POTEC: variants seen among roughly 807,000 people sequenced by gnomAD.
The protein encoded by POTEC is POTE ankyrin domain family member C.
A neutral mutation model predicts 62.0 loss-of-function variants in POTEC; 35 were observed. The ratio of observed to expected loss-of-function variants is 0.56; its 90% CI spans 0.43 to 0.75. The LOEUF (loss-of-function observed/expected upper bound fraction) is 0.75. Among genes scored for constraint, POTEC ranks in the 30% least tolerant of loss-of-function variants. POTEC has a pLI of 0.00. For missense variants in POTEC, 472 were observed against 655.9 expected (o/e 0.72, Z 3.06); for synonymous variants, 156 against 221.5 (o/e 0.70, Z 2.62).
At chr18:14,516,430 T>C (rs1445269896) in intron 9 of POTEC, among the ~76,000 whole-genome samples, 1 of 124,928 alleles carries the variant, frequency 8.0e-6, no homozygotes, top group Admixed American at 8.4e-5. Context: ...CTTACAATCA[T>C]GGCAGAAGGT....
intron 3 of POTEC, among the ~76,000 whole-genome samples, chr18:14,537,158 T>G (rs1306056094): frequency 1.0e-5 from 1 of 98,604 alleles, no homozygotes; most frequent in Non-Finnish European, 2.0e-5. Flanking sequence ...AGGAAACGAA[T>G]GAACAACAAT....
rs528364508 is a variant in POTEC at position 14,543,000 on chromosome 18, G to C, written c.147C>G (p.His49Gln). ...TGAGCATCTTCATAAAGGAGTCGTC[G>C]TGGTCTCCAGAAGTGCCCATGTTGC... ...GKSNMGTSGDHDDSFMKMLRS... is the reference protein window; with the variant it reads ...GKSNMGTSGDQDDSFMKMLRS... The change falls in exon 1 of 11, where the codon CAC becomes CAG. Residue 49 changes from histidine (H) to glutamine (Q), a missense_variant. Coordinates refer to ENST00000358970, the MANE Select transcript of POTEC (RefSeq NM_001137671.2). The C allele has an allele frequency of 3.1e-6, 5 of 1,611,878 alleles. No individual in the cohort carries two copies. Among genetic ancestry groups the C allele is most frequent in the Non-Finnish European group, 4.2e-6 (5 of 1,179,156 alleles).
chr18:14,530,343 A>T (rs1905464870), intron 6 of POTEC, 140 bp downstream of exon 6: 2 of 1,129,570 alleles, frequency 1.8e-6, no homozygotes, highest in Non-Finnish European at 2.5e-6. Flanking sequence ...AGCACAATAA[A>T]TGAAACATGG....
chr18:14,514,310 AG>A (rs1910091218), intron 9 of POTEC, among the ~76,000 whole-genome samples: 1 of 151,756 alleles, frequency 6.6e-6, no homozygotes, highest in Non-Finnish European at 1.5e-5. Flanking sequence ...GGAGGAGCTC[AG>A]AAGGTAATGT....
chr18:14,535,539 T>G (rs1905683768), intron 3 of POTEC, among the ~76,000 whole-genome samples: 1 of 151,848 alleles, frequency 6.6e-6, no homozygotes, highest in Non-Finnish European at 1.5e-5. Context: ...GTATTTAATT[T>G]TTCCAGATTG....
In POTEC at chr18:14,543,184, C is replaced by T; in HGVS notation, c.-38G>A. ...GCCCGGGGAGGCCGGTAGTAGCGAA[C>T]AGATCGCGTCTACCAACCAGTTTCA... is the stretch of plus-strand genomic sequence containing the variant. On this transcript the variant is annotated 5_prime_UTR_variant, in exon 1 of 11. Transcript: ENST00000358970. The T allele has an allele frequency of 6.2e-7, 1 of 1,612,688 alleles. No homozygotes were observed. Among genetic ancestry groups the T allele is most frequent in the Non-Finnish European group, 8.5e-7 (1 of 1,179,252 alleles).
Position 14,543,055 on chromosome 18 carries a change from C to G in POTEC, c.92G>C (p.Arg31Pro). The stretch of plus-strand genomic sequence containing the variant: ...GCCGCTCCCCTTGCAGCAGGGGAAG[C>G]GGTGGTGAAACCACTTGCCCATCTT... ...RSKMGKWFHH[R>P]FPCCKGSGKS... The change falls in exon 1 of 11, where the codon CGC becomes CCC. Residue 31 changes from arginine (R) to proline (P), a missense_variant. Around this residue, in one of 5 missense-constraint regions of POTEC, gnomAD observed 257 missense variants for 250.7 expected, o/e 1.03. Transcript: ENST00000358970. The G allele has an allele frequency of 1.9e-6, 3 of 1,606,062 alleles. No individual in the cohort carries two copies. The South Asian group carries it at 3.3e-5, about 18-fold the overall frequency.
chr18:14,540,585 T>G (rs1201494235), intron 1 of POTEC, among the ~76,000 whole-genome samples: 1 of 152,212 alleles, frequency 6.6e-6, no homozygotes, highest in African/African-American at 2.4e-5. Flanking sequence ...TACATATTAT[T>G]CCATCCTATG....
rs1427664281 is a variant in POTEC, at chr18:14,508,052, TC to T, written c.*3845del. 1 of 152,166 alleles carries T rather than the reference TC, an allele frequency of 6.6e-6. No individual in the cohort carries two copies. Among genetic ancestry groups the T allele is most frequent in the Non-Finnish European group, 1.5e-5 (1 of 68,038 alleles). 9.4% of individuals were successfully genotyped at this position (152,166 alleles called of 1,614,324 possible). A position where few individuals can be genotyped will look rare whatever the true frequency, so the allele number is the denominator to read the frequency against. On this transcript the variant is annotated 3_prime_UTR_variant, in exon 11 of 11. Transcript: ENST00000358970. ...TGATGATTATGTGTCTTGGGGATGA[TC>T]TTCTCATGGCATATCTTACTGAGGT...
At chr18:14,535,083 G>A in intron 3 of POTEC, 76 bp from the exon 4 acceptor site, 3 of 1,575,340 alleles carry the variant, frequency 1.9e-6, no homozygotes, top group Non-Finnish European at 2.6e-6. Context: ...GGAAGCTTAT[G>A]GACTTACACT....
chr18:14,535,929 T>C (rs1045220614), intron 3 of POTEC, among the ~76,000 whole-genome samples: 12 of 152,008 alleles, frequency 7.9e-5, no homozygotes, highest in Non-Finnish European at 1.2e-4. Context: ...TGTAAGCTGA[T>C]AGATAGTGCC....
At chr18:14,517,562 TTA>T (rs200940409) in intron 9 of POTEC, among the ~76,000 whole-genome samples, 34,239 of 91,684 alleles carry the variant, frequency 0.37, 4,458 homozygotes, top group East Asian at 0.48. Flanking sequence ...TTTTTTTTTT[TTA>T]AAATAAAATA....
chr18:14,539,056 AT>A (rs1347561088), intron 1 of POTEC, among the ~76,000 whole-genome samples: 1 of 152,108 alleles, frequency 6.6e-6, no homozygotes, highest in African/African-American at 2.4e-5. Flanking sequence ...AACAAAAACA[AT>A]TTTCTAAAAT....
At chr18:14,539,433 T>G (rs1905859399) in intron 1 of POTEC, among the ~76,000 whole-genome samples, 1 of 141,554 alleles carries the variant, frequency 7.1e-6, no homozygotes, top group Admixed American at 7.2e-5. Context: ...CCTCCCACCC[T>G]CCACCCTCTG....
intron 9 of POTEC, among the ~76,000 whole-genome samples, chr18:14,521,616 G>A (rs1910310491): frequency 6.6e-6 from 1 of 152,068 alleles, no homozygotes; most frequent in Non-Finnish European, 1.5e-5. Context: ...ATATATGTGT[G>A]TGAATATGCT....
At position 14,513,787 on chromosome 18, in the gene POTEC, TAGA is replaced by T. The variant is rs1567909474; in HGVS notation, c.1410-5_1410-3del. 6.2e-7 allele frequency: 1 copy of T among 1,606,446 alleles called. No individual in the cohort carries two copies. Among genetic ancestry groups the T allele is most frequent in the East Asian group, 2.2e-5 (1 of 44,830 alleles). On this transcript the variant is annotated splice_polypyrimidine_tract_variant and splice_region_variant and intron_variant, in intron 9 of 10. Transcript: ENST00000358970. ...TTCCGGGTATCATTTTGTTCGTCAC[TAGA>T]AGAAATTTTAATTTTCATGAAATAC...
intron 9 of POTEC, among the ~76,000 whole-genome samples, chr18:14,520,083 T>A (rs1402234999): frequency 2.0e-5 from 3 of 152,054 alleles, no homozygotes; most frequent in Non-Finnish European, 2.9e-5. Context: ...AAAATTTGAG[T>A]TCGTGAGTGT....
At chr18:14,539,171 T>C (rs554240332) in intron 1 of POTEC, among the ~76,000 whole-genome samples, 216 of 152,126 alleles carry the variant, frequency 1.4e-3, no homozygotes, top group African/African-American at 5.0e-3. Context: ...ATTTATAAAA[T>C]GTATGTACAT....
intron 7 of POTEC, 50 bp downstream of exon 7, chr18:14,524,863 G>A (rs187833703): frequency 4.4e-6 from 7 of 1,589,324 alleles, no homozygotes; most frequent in Non-Finnish European, 5.1e-6. Context: ...TATCGTTAAA[G>A]CAAAGAAAAC....
Sources: allele counts gnomAD v4.1 joint callset (sites outside exome capture counted in the v4.1 genomes callset), GRCh38; gene constraint gnomAD v4.1.1; regional missense constraint gnomAD v4.1.1; transcripts MANE v1.5; gene names NCBI Gene and HGNC (gene_info 2026-07-23, HGNC 2026-07-21).